The following WDR7 variants were observed in gnomAD, a reference collection of about 807,000 sequenced individuals.
The protein encoded by WDR7 is WD repeat-containing protein 7.
Under a neutral mutation model 169.4 loss-of-function variants are expected in WDR7, and 46 were observed. The observed-to-expected ratio is 0.27, with a 90% CI of 0.21 to 0.35. WDR7 has a LOEUF of 0.35. WDR7 is among the 10% of genes least tolerant of loss of function. The probability of loss-of-function intolerance (pLI) is 1.00; values close to 1 mark genes in which losing one functional copy is unlikely to be tolerated. For missense variants in WDR7, 1,534 were observed against 1,859.3 expected (o/e 0.83, Z 3.22); for synonymous variants, 612 against 666.8 (o/e 0.92, Z 1.27).
At chr18:56,844,763 A>G (rs1329576951) in intron 20 of WDR7, among the ~76,000 whole-genome samples, 1 of 152,192 alleles carries the variant, frequency 6.6e-6, no homozygotes, top group Admixed American at 6.5e-5. Context: ...GATAATGAGA[A>G]CTGAGGAACT....
At chr18:56,874,314 T>C (rs1038157431) in intron 20 of WDR7, among the ~76,000 whole-genome samples, 26 of 152,244 alleles carry the variant, frequency 1.7e-4, no homozygotes, top group African/African-American at 6.0e-4. Flanking sequence ...GGTGGTTTTT[T>C]TCCCCCTTTA....
chr18:56,892,095 A>G (rs1448479060), intron 21 of WDR7, among the ~76,000 whole-genome samples: 1 of 152,096 alleles, frequency 6.6e-6, no homozygotes, highest in Non-Finnish European at 1.5e-5. Context: ...AATAACTTTA[A>G]TTTGCAACCA....
At chr18:56,797,107 C>T (rs1039327498) in intron 19 of WDR7, among the ~76,000 whole-genome samples, 16 of 152,158 alleles carry the variant, frequency 1.1e-4, no homozygotes, top group African/African-American at 3.6e-4. Context: ...CTTCGGATCA[C>T]AGAGATTAGA....
intron 14 of WDR7, among the ~76,000 whole-genome samples, chr18:56,745,791 G>A (rs1002257448): frequency 6.6e-6 from 1 of 152,134 alleles, no homozygotes; most frequent in African/African-American, 2.4e-5. Context: ...ATGAGCAAAA[G>A]TAACCTTAGT....
At chr18:56,955,575 C>A (rs1338996853) in intron 25 of WDR7, among the ~76,000 whole-genome samples, 1 of 152,100 alleles carries the variant, frequency 6.6e-6, no homozygotes, top group Admixed American at 6.6e-5. Context: ...TATTAGTTGA[C>A]ACTTATTTGC....
At chr18:56,936,007 C>G in intron 23 of WDR7, 102 bp downstream of exon 23, 2 of 1,088,150 alleles carry the variant, frequency 1.8e-6, no homozygotes, top group Non-Finnish European at 1.3e-6. Flanking sequence ...ACAGTTTATT[C>G]TAGAACAATG....
Position 56,682,709 on chromosome 18 carries a change from G to C in WDR7, c.376G>C (p.Glu126Gln). ...FYQFSVGNQR[E>Q]GRLLCHGHYP... is the part of the protein sequence containing the mutation. ...CCAGTTCTCTGTTGGGAATCAGCGA[G>C]AAGGAAGGCTTTTATGCCACGGACA... The change falls in exon 5 of 28, where the codon GAA (glutamate) becomes CAA (glutamine). Residue 126 changes from glutamate to glutamine, a missense_variant. By Grantham distance (29) the Glu-to-Gln change is conservative. Transcript: ENST00000254442. 1 of 1,613,656 alleles carries C rather than the reference G, an allele frequency of 6.2e-7. No homozygotes were observed. The highest frequency in any genetic ancestry group is 8.5e-7 in the Non-Finnish European group (1 of 1,179,744).
intron 20 of WDR7, among the ~76,000 whole-genome samples, chr18:56,821,630 T>C (rs2045097532): frequency 1.4e-5 from 2 of 146,286 alleles, no homozygotes; most frequent in Admixed American, 1.5e-4. Flanking sequence ...CTCATCATTA[T>C]TCCCCCTGCA....
At chr18:56,836,762 ACTT>A (rs1185744817) in intron 20 of WDR7, among the ~76,000 whole-genome samples, 1 of 152,214 alleles carries the variant, frequency 6.6e-6, no homozygotes, top group East Asian at 1.9e-4. Context: ...TTCAACTAAA[ACTT>A]CTAAAAAGAT....
chr18:56,652,407 T>C (rs2024675666), intron 1 of WDR7, among the ~76,000 whole-genome samples: 1 of 152,226 alleles, frequency 6.6e-6, no homozygotes, highest in Non-Finnish European at 1.5e-5. Flanking sequence ...TAGGATTTTA[T>C]GGGCAAGGTT....
Position 56,879,955 on chromosome 18 carries a change from A to G in WDR7, c.3316A>G (p.Ser1106Gly), listed in dbSNP as rs779704223. ...DDDITTGCLS[S>G]VPQMKKISTS... ...GTTTTGGTCTTCAGGTTGCTTATCA[A>G]GTGTCCCACAAATGAAAAAAATTTC... is the stretch of plus-strand genomic sequence containing the variant. The change falls in exon 21 of 28, where the codon AGT becomes GGT. Residue 1106 changes from serine (S) to glycine (G), a missense_variant. Transcript: ENST00000254442. 3.7e-6 allele frequency: 6 copies of G among 1,613,540 alleles called. No individual in the cohort carries two copies. The highest frequency in any genetic ancestry group is 5.1e-6 in the Non-Finnish European group (6 of 1,179,760).
intron 26 of WDR7, among the ~76,000 whole-genome samples, chr18:56,988,588 CAAGTGTGT>C (rs2047759848): frequency 9.3e-6 from 1 of 106,988 alleles, no homozygotes; most frequent in Non-Finnish European, 1.9e-5. Context: ...TCATGGAAGG[CAAGTGTGT>C]GTGTGTGTGT....
intron 24 of WDR7, among the ~76,000 whole-genome samples, chr18:56,938,920 T>G (rs981921472): frequency 6.6e-6 from 1 of 152,006 alleles, no homozygotes; most frequent in Non-Finnish European, 1.5e-5. Flanking sequence ...TCAAAACGAT[T>G]TTCAAGTTCA....
intron 14 of WDR7, among the ~76,000 whole-genome samples, chr18:56,746,767 A>C (rs2043711138): frequency 6.6e-6 from 1 of 152,168 alleles, no homozygotes; most frequent in African/African-American, 2.4e-5. Context: ...TCTGTATCAG[A>C]GTTTCTCAAC....
chr18:56,682,836 G>C lies in WDR7; in HGVS notation c.503G>C (p.Arg168Pro), dbSNP rs773417073. 1 of 1,612,962 alleles carries C rather than the reference G, an allele frequency of 6.2e-7. No homozygotes were observed. Among genetic ancestry groups the C allele is most frequent in the Non-Finnish European group, 8.5e-7 (1 of 1,179,502 alleles). Residue 168 changes from arginine to proline, a missense_variant, in exon 5 of 28, where the codon CGA becomes CCA. Coordinates refer to ENST00000254442, the MANE Select transcript of WDR7 (RefSeq NM_015285.3). Reference protein sequence around the residue: ...PDWISSMSIIRSHRTQEDTVV... With the variant: ...PDWISSMSIIPSHRTQEDTVV... ...TGGATTAGCTCCATGAGTATTATTC[G>C]ATCCCACCGAACACAAGGTCAGTGT...
At chr18:56,757,420 G>T in intron 15 of WDR7, 68 bp downstream of exon 15, 1 of 1,405,092 alleles carries the variant, frequency 7.1e-7, no homozygotes, top group South Asian at 1.6e-5. Flanking sequence ...TTTTTTCATT[G>T]TTGATTACTC....
chr18:56,968,639 A>T (rs1485522746), intron 26 of WDR7, among the ~76,000 whole-genome samples: 1 of 152,182 alleles, frequency 6.6e-6, no homozygotes, highest in African/African-American at 2.4e-5. Flanking sequence ...TCTAACTCTA[A>T]TCCCGTATAG....
chr18:56,978,688 A>G (rs773165861), intron 26 of WDR7, among the ~76,000 whole-genome samples: 1 of 152,176 alleles, frequency 6.6e-6, no homozygotes, highest in Non-Finnish European at 1.5e-5. Flanking sequence ...GGGCATTGCC[A>G]TTTAGCATTG....
intron 2 of WDR7, among the ~76,000 whole-genome samples, chr18:56,677,774 A>G (rs899888573): frequency 1.1e-4 from 17 of 152,212 alleles, no homozygotes; most frequent in Admixed American, 2.0e-4. Flanking sequence ...TTGGTGTTCT[A>G]TAAGTACTTG....
Sources: allele counts gnomAD v4.1 joint callset (sites outside exome capture counted in the v4.1 genomes callset), GRCh38; gene constraint gnomAD v4.1.1; transcripts MANE v1.5; gene names NCBI Gene and HGNC (gene_info 2026-07-23, HGNC 2026-07-21).